The following RAB33B variants were observed in gnomAD, a reference collection of about 807,000 sequenced individuals.
RAB33B encodes RAB33B, member RAS oncogene family.
A neutral mutation model predicts 15.0 loss-of-function variants in RAB33B; 6 were observed. The ratio of observed to expected loss-of-function variants is 0.40; its 90% CI spans 0.22 to 0.79. The LOEUF (loss-of-function observed/expected upper bound fraction) is 0.79, where lower values mean the gene tolerates loss of function less well. RAB33B is among the 30% of genes least tolerant of loss of function. The pLI is 0.37. For synonymous variants in RAB33B, 117 were observed against 108.3 expected (o/e 1.08, Z -0.50); for missense variants, 257 against 296.4 (o/e 0.87, Z 0.98).
chr4:139,466,378 G>T (rs1750285700), intron 1 of RAB33B, among the ~76,000 whole-genome samples: 1 of 151,984 alleles, frequency 6.6e-6, no homozygotes, highest in Non-Finnish European at 1.5e-5. Context: ...TTTATCTTGT[G>T]AATATAATTT....
At chr4:139,444,963 G>A in the RAB33B span, among the ~76,000 whole-genome samples, 1 of 152,200 alleles carries the variant, frequency 6.6e-6, no homozygotes, top group Non-Finnish European at 1.5e-5. Flanking sequence ...CCACCATCAA[G>A]GACTTGAAAG....
rs1561005252 is a variant in RAB33B, at chr4:139,464,398, T to TTG, written c.250-8287_250-8286insGT. ...GAAGAGGAATACTGTTTTTTTTTTTTTTTTTTTTTTTTTTATACTTTAAGT... is the reference window on the plus strand; with the variant it reads ...GAAGAGGAATACTGTTTTTTTTTTTTTGTTTTTTTTTTTTTTATACTTTAAGT... On this transcript the variant is annotated intron_variant, in intron 1 of 1. Transcript: ENST00000305626. 2.6e-3 allele frequency among the ~76,000 whole-genome samples: 395 copies of TTG among 149,350 alleles called. 5 individuals are homozygous for TTG. The highest frequency in any genetic ancestry group is 8.4e-3 in the African/African-American group (344 of 40,898).
the RAB33B span, among the ~76,000 whole-genome samples, chr4:139,447,658 C>CTTTTTT: frequency 8.2e-5 from 7 of 85,698 alleles, 1 homozygote; most frequent in Non-Finnish European, 1.2e-4. Flanking sequence ...CAGTCTACTA[C>CTTTTTT]TTTTTTTTTT....
At chr4:139,470,100 G>A (rs1034538286) in intron 1 of RAB33B, among the ~76,000 whole-genome samples, 3 of 152,224 alleles carry the variant, frequency 2.0e-5, no homozygotes, top group African/African-American at 7.2e-5. Flanking sequence ...ATCAGCAGGT[G>A]GCAAAGCCAG....
chr4:139,452,025 ACT>A (rs1749935633), upstream of RAB33B: 1 of 152,220 alleles, frequency 6.6e-6, no homozygotes, highest in Non-Finnish European at 1.5e-5. Flanking sequence ...ACATGAGGAC[ACT>A]CTCAAAATAC....
At chr4:139,441,788 G>C in the RAB33B span, among the ~76,000 whole-genome samples, 1 of 152,188 alleles carries the variant, frequency 6.6e-6, no homozygotes, top group African/African-American at 2.4e-5. Context: ...TCGTAAATCA[G>C]GGATTGTCTG....
chr4:139,440,057 G>A, the RAB33B span, among the ~76,000 whole-genome samples: 3 of 152,246 alleles, frequency 2.0e-5, no homozygotes, highest in Admixed American at 6.5e-5. Flanking sequence ...TTACTAATGT[G>A]TTAACTCTGG....
rs540259623 is a variant in RAB33B, at chr4:139,461,244, G to A, written c.249+6800G>A. Among the ~76,000 whole-genome samples, 3 of 152,286 alleles carry A rather than the reference G, an allele frequency of 2.0e-5. No homozygotes were observed. In the East Asian group the frequency reaches 5.8e-4, roughly 29 times the overall value. On this transcript the variant is annotated intron_variant, in intron 1 of 1. Transcript: ENST00000305626. ...GACGTAGGTCACATGCCCTCCCTGG[G>A]AGCCAGTGGTTCATGTGAATGGAAA... is the stretch of plus-strand genomic sequence containing the variant.
At chr4:139,457,269 C>T (rs997083938) in intron 1 of RAB33B, among the ~76,000 whole-genome samples, 1 of 152,130 alleles carries the variant, frequency 6.6e-6, no homozygotes, top group Non-Finnish European at 1.5e-5. Context: ...TTTTGGAAGT[C>T]GAATAAAATT....
rs1750480865 is a variant in RAB33B at position 139,475,326 on chromosome 4, A to G, written c.*2200A>G. 6.6e-6 allele frequency: 1 copy of G among 151,974 alleles called. No individual in the cohort carries two copies. The highest frequency in any genetic ancestry group is 1.5e-5 in the Non-Finnish European group (1 of 67,902). 9.4% of individuals were successfully genotyped at this position (151,974 alleles called of 1,614,324 possible). A position where few individuals can be genotyped will look rare whatever the true frequency, so the allele number is the denominator to read the frequency against. ...TTTCCAAGCACATTTATGGTTTTTT[A>G]TTACTATTATTATGGTTTTAAAAAG... On this transcript the variant is annotated 3_prime_UTR_variant, in exon 2 of 2. Transcript: ENST00000305626.
At chr4:139,467,637 C>T (rs1408992103) in intron 1 of RAB33B, among the ~76,000 whole-genome samples, 3 of 151,564 alleles carry the variant, frequency 2.0e-5, no homozygotes, top group South Asian at 2.1e-4. Context: ...GCAGGCAAAT[C>T]GCTTGAGCTG....
intron 1 of RAB33B, among the ~76,000 whole-genome samples, 199 bp downstream of exon 1, chr4:139,454,643 T>C (rs1215798088): frequency 6.6e-6 from 1 of 152,212 alleles, no homozygotes; most frequent in Non-Finnish European, 1.5e-5. Flanking sequence ...GTGCATGCGA[T>C]TTACCTGGGG....
At chr4:139,467,906 G>A (rs1750319846) in intron 1 of RAB33B, among the ~76,000 whole-genome samples, 1 of 147,112 alleles carries the variant, frequency 6.8e-6, no homozygotes, top group Non-Finnish European at 1.5e-5. Flanking sequence ...TACAATTATT[G>A]TTGACTATAG....
intron 1 of RAB33B, among the ~76,000 whole-genome samples, chr4:139,458,313 CA>C (rs1388045967): frequency 1.3e-5 from 2 of 151,958 alleles, no homozygotes; most frequent in Non-Finnish European, 2.9e-5. Context: ...ATTTTAGGTT[CA>C]GGGGTACATG....
At chr4:139,443,746 C>A in the RAB33B span, among the ~76,000 whole-genome samples, 22 of 152,162 alleles carry the variant, frequency 1.4e-4, no homozygotes, top group African/African-American at 4.8e-4. Flanking sequence ...ACTTTTTTTG[C>A]CAAAAGAAAC....
intron 1 of RAB33B, among the ~76,000 whole-genome samples, chr4:139,466,143 C>A (rs1750279954): frequency 6.6e-6 from 1 of 152,170 alleles, no homozygotes; most frequent in Non-Finnish European, 1.5e-5. Context: ...TTGCACCCGG[C>A]CTGGGGTTAA....
chr4:139,473,571 G>A lies in RAB33B; in HGVS notation c.*445G>A, dbSNP rs933380410. The A allele has an allele frequency of 3.1e-5, 5 of 159,232 alleles. No individual in the cohort carries two copies. Among genetic ancestry groups the A allele is most frequent in the East Asian group, 3.7e-4 (2 of 5,446 alleles). The allele number at this position is 159,232 out of a possible 1,614,324, so 9.9% of individuals were successfully genotyped here. A position where few individuals can be genotyped will look rare whatever the true frequency, so the allele number is the denominator to read the frequency against. On this transcript the variant is annotated 3_prime_UTR_variant, in exon 2 of 2. Transcript: ENST00000305626. ...ACTTTTTTTGTTTTTTCATAGAGACGGGGTCTTGCTATGTTGTCCAGGCTG... is the reference window on the plus strand; with the variant it reads ...ACTTTTTTTGTTTTTTCATAGAGACAGGGTCTTGCTATGTTGTCCAGGCTG...
chr4:139,454,557 C>A, intron 1 of RAB33B, 113 bp downstream of exon 1: 3 of 1,224,674 alleles, frequency 2.4e-6, no homozygotes, highest in Non-Finnish European at 3.3e-6. Context: ...TTTTCTCACG[C>A]TGATGAGATT....
chr4:139,458,772 C>A (rs1276414369), intron 1 of RAB33B, among the ~76,000 whole-genome samples: 1 of 152,142 alleles, frequency 6.6e-6, no homozygotes. Context: ...TGAGTGTATA[C>A]CCAATAATGG....
Sources: allele counts gnomAD v4.1 joint callset (sites outside exome capture counted in the v4.1 genomes callset), GRCh38; gene constraint gnomAD v4.1.1; transcripts MANE v1.5; gene names NCBI Gene and HGNC (gene_info 2026-07-23, HGNC 2026-07-21).